The following ZFHX3 variants were observed in gnomAD, a reference collection of about 807,000 sequenced individuals.
ZFHX3 encodes zinc finger homeobox protein 3.
A neutral mutation model predicts 279.1 loss-of-function variants in ZFHX3; 42 were observed. The observed-to-expected ratio is 0.15, with a 90% CI of 0.12 to 0.19. The LOEUF (loss-of-function observed/expected upper bound fraction) is 0.19. ZFHX3 is among the 10% of genes least tolerant of loss of function. ZFHX3 has a pLI of 1.00. For missense variants in ZFHX3, 4,981 were observed against 4,754.0 expected, an observed-to-expected ratio of 1.05 and a Z score of -1.40; for synonymous variants, 2,293 against 1,957.8, an observed-to-expected ratio of 1.17 and a Z score of -4.52.
chr16:73,267,285 C>A (rs2014003888), intron 4 of ZFHX3, among the ~76,000 whole-genome samples: 1 of 152,062 alleles, frequency 6.6e-6, no homozygotes. Context: ...GTAACTTCAT[C>A]TTGGGTCTGG....
At chr16:73,136,725 CAAAAAAAAAAAAAA>C (rs397855836) in intron 6 of ZFHX3, among the ~76,000 whole-genome samples, 4 of 41,620 alleles carry the variant, frequency 9.6e-5, no homozygotes, top group Non-Finnish European at 1.7e-4. Flanking sequence ...GACTCTGCCT[CAAAAAAAAAAAAAA>C]AAAAAAAAAA....
At chr16:72,810,336 C>A (rs137887746) in intron 7 of ZFHX3, among the ~76,000 whole-genome samples, 1 of 152,168 alleles carries the variant, frequency 6.6e-6, no homozygotes, top group South Asian at 2.1e-4. Context: ...CAGGAACCCA[C>A]CACCATGCCT....
chr16:73,768,505 G>T (rs2053979881), intron 1 of ZFHX3, among the ~76,000 whole-genome samples: 2 of 152,276 alleles, frequency 1.3e-5, no homozygotes, highest in South Asian at 4.1e-4. Context: ...CCTATATTCT[G>T]TTTTAAGCTA....
intron 2 of ZFHX3, among the ~76,000 whole-genome samples, chr16:73,486,580 C>A (rs956043974): frequency 6.6e-6 from 1 of 152,200 alleles, no homozygotes; most frequent in African/African-American, 2.4e-5. Context: ...CCTATCAATT[C>A]CAGAATCCCA....
chr16:72,957,022 C>T (rs1439366365), intron 2 of ZFHX3, among the ~76,000 whole-genome samples: 2 of 152,128 alleles, frequency 1.3e-5, no homozygotes, highest in Non-Finnish European at 2.9e-5. Flanking sequence ...TGTCCCTAGT[C>T]CTCTTATTGA....
chr16:72,984,416 C>G (rs959985569), intron 1 of ZFHX3, among the ~76,000 whole-genome samples: 1 of 152,054 alleles, frequency 6.6e-6, no homozygotes, highest in Non-Finnish European at 1.5e-5. Context: ...CACTTGAGCC[C>G]AGAAGTTTGA....
At chr16:73,797,058 C>G (rs1960014850) in intron 1 of ZFHX3, among the ~76,000 whole-genome samples, 2 of 151,992 alleles carry the variant, frequency 1.3e-5, no homozygotes, top group Admixed American at 1.3e-4. Flanking sequence ...AAAAAATTAG[C>G]CAGGCAGGGT....
At chr16:73,368,613 T>C (rs1413688959) in intron 3 of ZFHX3, among the ~76,000 whole-genome samples, 1 of 152,214 alleles carries the variant, frequency 6.6e-6, no homozygotes, top group Non-Finnish European at 1.5e-5. Context: ...AAAAATATTA[T>C]AATGTATGGC....
In ZFHX3 at chr16:72,791,142, C is replaced by T. The variant is rs1170374708; in HGVS notation, c.9427+2113G>A. ...TGGGATTATGGTCACACACATCAGACGTGTGACCCTGGGACTTTCGGTTGA... is the reference window on the plus strand; with the variant it reads ...TGGGATTATGGTCACACACATCAGATGTGTGACCCTGGGACTTTCGGTTGA... On this transcript the variant is annotated intron_variant, in intron 9 of 9. Coordinates refer to ENST00000268489, the MANE Select transcript of ZFHX3 (RefSeq NM_006885.4). 2.0e-5 allele frequency: 3 copies of T among 152,170 alleles called. No homozygotes were observed. The South Asian group carries it at 6.2e-4, about 32-fold the overall frequency. 9.4% of individuals were successfully genotyped at this position (152,170 alleles called of 1,614,324 possible).
At chr16:73,724,109 G>C (rs1375485834) in intron 1 of ZFHX3, among the ~76,000 whole-genome samples, 2 of 152,126 alleles carry the variant, frequency 1.3e-5, no homozygotes, top group Non-Finnish European at 2.9e-5. Context: ...TCTGGGGAGG[G>C]GTGAATAAGG....
chr16:73,290,100 C>A (rs2014731149), intron 4 of ZFHX3, among the ~76,000 whole-genome samples: 1 of 151,994 alleles, frequency 6.6e-6, no homozygotes. Flanking sequence ...TTCTGTAAAT[C>A]ACAAGGTTTC....
intron 4 of ZFHX3, among the ~76,000 whole-genome samples, chr16:73,261,668 G>GTTTTTTTTTTTTTT (rs1187489542): frequency 2.5e-5 from 2 of 80,700 alleles, no homozygotes; most frequent in African/African-American, 4.8e-5. Flanking sequence ...TCCTGTGATT[G>GTTTTTTTTTTTTTT]TTTTTTTTTT....
intron 1 of ZFHX3, among the ~76,000 whole-genome samples, chr16:73,730,392 G>GA (rs1555535608): frequency 2.2e-5 from 3 of 136,184 alleles, no homozygotes; most frequent in Admixed American, 7.3e-5. Flanking sequence ...GAGAGAGAAA[G>GA]AAAGAAAAGA....
intron 2 of ZFHX3, among the ~76,000 whole-genome samples, chr16:73,585,313 G>A (rs2051913647): frequency 6.6e-6 from 1 of 152,208 alleles, no homozygotes; most frequent in Admixed American, 6.5e-5. Context: ...CTACTGGGGA[G>A]GCTGAGGCAG....
At chr16:73,541,781 G>T (rs1440971323) in intron 2 of ZFHX3, among the ~76,000 whole-genome samples, 2 of 131,232 alleles carry the variant, frequency 1.5e-5, no homozygotes, top group Non-Finnish European at 3.2e-5. Context: ...CTGTTTGGTG[G>T]TTCTCTTTTT....
At chr16:73,766,328 T>C (rs57186960) in intron 1 of ZFHX3, among the ~76,000 whole-genome samples, 14,528 of 152,266 alleles carry the variant, frequency 0.095, 1,221 homozygotes, top group East Asian at 0.43. Context: ...ATCTCTTGTT[T>C]CTTCTGCGAA....
intron 5 of ZFHX3, among the ~76,000 whole-genome samples, chr16:73,187,024 A>G (rs1055121199): frequency 1.3e-4 from 20 of 152,332 alleles, no homozygotes; most frequent in African/African-American, 4.8e-4. Flanking sequence ...TGACCCTTCC[A>G]GATCTTTCAA....
intron 3 of ZFHX3, among the ~76,000 whole-genome samples, chr16:72,911,284 T>C (rs1225336404): frequency 6.6e-6 from 1 of 152,208 alleles, no homozygotes; most frequent in African/African-American, 2.4e-5. Context: ...TTAGCATAGC[T>C]ATTTAAAAAC....
chr16:73,096,366 A>G (rs546348349), intron 7 of ZFHX3, among the ~76,000 whole-genome samples: 1 of 148,786 alleles, frequency 6.7e-6, no homozygotes, highest in South Asian at 2.1e-4. Flanking sequence ...ACCAATGAAA[A>G]CTCAGAGGTC....
Sources: gnomAD v4.1 joint callset for allele counts (sites outside exome capture counted in the v4.1 genomes callset) on GRCh38, gnomAD v4.1.1 for gene constraint, MANE v1.5 for transcripts, NCBI Gene and HGNC (gene_info 2026-07-23, HGNC 2026-07-21) for gene names.